ADK: variants seen among roughly 807,000 people sequenced by gnomAD.
The protein encoded by ADK is adenosine kinase.
Under a neutral mutation model 44.7 loss-of-function variants are expected in ADK, and 24 were observed. That is an observed-to-expected ratio of 0.54 (90% CI 0.39 to 0.76). The LOEUF (loss-of-function observed/expected upper bound fraction) is 0.76, where lower values mean the gene tolerates loss of function less well. Among genes scored for constraint, ADK ranks in the 30% least tolerant of loss-of-function variants. The pLI is 0.00. For missense variants in ADK, 321 were observed against 425.1 expected, an observed-to-expected ratio of 0.76 and a Z score of 2.15; for synonymous variants, 128 against 142.6, an observed-to-expected ratio of 0.90 and a Z score of 0.73.
chr10:74,559,731 A>G (rs1186354076), intron 7 of ADK, among the ~76,000 whole-genome samples: 2 of 152,112 alleles, frequency 1.3e-5, no homozygotes, highest in African/African-American at 2.4e-5. Context: ...TTTAGAGGTA[A>G]TGTTGTAATT....
At position 74,276,941 on chromosome 10, in the gene ADK, G is replaced by A. The variant is rs571159081; in HGVS notation, c.195-37726G>A. ...TCAAATATCTTTTTTTTTTTGAGAC[G>A]GAGTCTCAGTCTGTTGCACAGACTG... On this transcript the variant is annotated intron_variant, in intron 3 of 10. Coordinates refer to ENST00000539909, the MANE Select transcript of ADK (RefSeq NM_006721.4). 2.7e-5 allele frequency among the ~76,000 whole-genome samples: 4 copies of A among 150,324 alleles called. No homozygotes were observed. The South Asian group carries it at 6.3e-4, about 24-fold the overall frequency.
chr10:74,458,308 T>G lies in ADK; in HGVS notation c.555+59729T>G, dbSNP rs901871953. Among the ~76,000 whole-genome samples, 15 of 148,194 alleles carry G rather than the reference T, an allele frequency of 1.0e-4. No individual in the cohort carries two copies. The East Asian group carries it at 1.6e-3, about 16-fold the overall frequency. Reference sequence around the variant, plus strand: ...ACCACTCCCAGGTTTTGTTTTTTTTTTTTTTTTTTTGCAGAGACAGGGGGT... The same window carrying G: ...ACCACTCCCAGGTTTTGTTTTTTTTGTTTTTTTTTTGCAGAGACAGGGGGT... On this transcript the variant is annotated intron_variant, in intron 6 of 10. Transcript: ENST00000539909.
At chr10:74,350,245 A>C (rs1291462952) in intron 4 of ADK, among the ~76,000 whole-genome samples, 1 of 152,224 alleles carries the variant, frequency 6.6e-6, no homozygotes, top group Non-Finnish European at 1.5e-5. Flanking sequence ...TCAAATTAGA[A>C]CTGAGGATTA....
intron 9 of ADK, among the ~76,000 whole-genome samples, chr10:74,631,364 T>C (rs916964263): frequency 6.6e-6 from 1 of 151,646 alleles, no homozygotes; most frequent in Non-Finnish European, 1.5e-5. Context: ...AACCTCTGCC[T>C]GCTGGGTCCA....
intron 1 of ADK, among the ~76,000 whole-genome samples, chr10:74,173,040 T>G (rs977480612): frequency 2.0e-5 from 3 of 152,118 alleles, no homozygotes; most frequent in African/African-American, 7.2e-5. Context: ...TTTAGTATAT[T>G]TGTTAAAAAA....
intron 6 of ADK, among the ~76,000 whole-genome samples, chr10:74,401,759 A>T (rs538621453): frequency 1.3e-5 from 2 of 152,252 alleles, no homozygotes; most frequent in Non-Finnish European, 2.9e-5. Context: ...TAATATTGTT[A>T]TGTGTGAAGT....
intron 10 of ADK, among the ~76,000 whole-genome samples, chr10:74,702,393 A>T (rs1856454431): frequency 6.6e-6 from 1 of 151,874 alleles, no homozygotes; most frequent in African/African-American, 2.4e-5. Context: ...CATATTGACC[A>T]GGCTGGTCTT....
intron 6 of ADK, among the ~76,000 whole-genome samples, chr10:74,505,204 T>C (rs1848020869): frequency 6.6e-6 from 1 of 152,194 alleles, no homozygotes; most frequent in Non-Finnish European, 1.5e-5. Flanking sequence ...AAAATGTTAC[T>C]CTAAAAATGT....
chr10:74,176,658 T>C lies in ADK; in HGVS notation c.66-24106T>C, dbSNP rs192064997. On this transcript the variant is annotated intron_variant, in intron 1 of 10. Coordinates refer to ENST00000539909, the MANE Select transcript of ADK (RefSeq NM_006721.4). Reference sequence around the variant, plus strand: ...TGGCCCACGGCGTCTGGGGACGATCTCCAGCCCTTCGCACGGGGCGGAGCG... The same window carrying C: ...TGGCCCACGGCGTCTGGGGACGATCCCCAGCCCTTCGCACGGGGCGGAGCG... The C allele has an allele frequency of 6.3e-4, 901 of 1,425,866 alleles. 3 individuals carry two copies. The African/African-American group carries it at 8.1e-3, about 13-fold the overall frequency. The allele number at this position is 1,425,866 out of a possible 1,614,324, so 88.3% of individuals were successfully genotyped here. A position where few individuals can be genotyped will look rare whatever the true frequency, so the allele number is the denominator to read the frequency against.
At chr10:74,296,624 T>A (rs919742945) in intron 3 of ADK, among the ~76,000 whole-genome samples, 2 of 151,526 alleles carry the variant, frequency 1.3e-5, no homozygotes, top group Non-Finnish European at 2.9e-5. Context: ...TTTTTTCTTT[T>A]TTTTTGAGAT....
intron 4 of ADK, among the ~76,000 whole-genome samples, chr10:74,341,816 T>C (rs1446653456): frequency 6.6e-6 from 1 of 152,200 alleles, no homozygotes; most frequent in African/African-American, 2.4e-5. Flanking sequence ...TACAGCAATA[T>C]GTAATTCAAA....
intron 9 of ADK, among the ~76,000 whole-genome samples, chr10:74,634,774 G>A (rs539486817): frequency 7.2e-5 from 11 of 151,986 alleles, no homozygotes; most frequent in South Asian, 6.2e-4. Context: ...GTGAAACCCC[G>A]TCTCTACTAA....
intron 4 of ADK, among the ~76,000 whole-genome samples, chr10:74,365,533 C>G (rs576551884): frequency 2.2e-4 from 34 of 152,240 alleles, no homozygotes; most frequent in African/African-American, 8.2e-4. Flanking sequence ...GATGGACATT[C>G]GAGTTGTTTC....
At chr10:74,164,586 C>G (rs1405777877) in intron 1 of ADK, among the ~76,000 whole-genome samples, 1 of 151,888 alleles carries the variant, frequency 6.6e-6, no homozygotes, top group Non-Finnish European at 1.5e-5. Context: ...GTAGGTTCTT[C>G]TCTACATAAT....
chr10:74,236,829 C>A (rs1844979521), intron 3 of ADK, among the ~76,000 whole-genome samples: 1 of 151,968 alleles, frequency 6.6e-6, no homozygotes, highest in African/African-American at 2.4e-5. Context: ...AATGTATATG[C>A]CTTAATTTAA....
intron 6 of ADK, among the ~76,000 whole-genome samples, chr10:74,480,966 A>G (rs1417687208): frequency 1.3e-5 from 2 of 151,908 alleles, no homozygotes; most frequent in East Asian, 3.9e-4. Context: ...CTTCCATTTC[A>G]TCTACTTTCT....
chr10:74,565,086 A>G lies in ADK; in HGVS notation c.727-24196A>G, dbSNP rs1041132322. Among the ~76,000 whole-genome samples the G allele has an allele frequency of 3.9e-5, 6 of 152,358 alleles. No individual in the cohort carries two copies. In the South Asian group the frequency reaches 1.0e-3, roughly 26 times the overall value. On this transcript the variant is annotated intron_variant, in intron 7 of 10. Transcript: ENST00000539909. ...AAAGGCCCTGAGAAAATTGCTAAGT[A>G]TTAGTAACATGGAGAAAAAAGGGAT...
intron 1 of ADK, among the ~76,000 whole-genome samples, chr10:74,163,881 G>T (rs1315882206): frequency 1.3e-5 from 2 of 152,296 alleles, no homozygotes; most frequent in East Asian, 1.9e-4. Flanking sequence ...GACTGAGGAA[G>T]TCTTCTCCTA....
chr10:74,298,516 T>A (rs1839893204), intron 3 of ADK, among the ~76,000 whole-genome samples: 1 of 151,742 alleles, frequency 6.6e-6, no homozygotes, highest in African/African-American at 2.4e-5. Flanking sequence ...ATTTTGGGAG[T>A]CTGAAGCAAG....
Sources: allele counts gnomAD v4.1 joint callset (sites outside exome capture counted in the v4.1 genomes callset), GRCh38; gene constraint gnomAD v4.1.1; transcripts MANE v1.5; gene names NCBI Gene and HGNC (gene_info 2026-07-23, HGNC 2026-07-21).